PHF21B: variants seen among roughly 807,000 people sequenced by gnomAD.
PHF21B encodes the protein PHD finger protein 21B, also known as PHD finger protein 4.
A neutral mutation model predicts 62.2 loss-of-function variants in PHF21B; 22 were observed. That is an observed-to-expected ratio of 0.35 (90% CI 0.25 to 0.51). PHF21B has a LOEUF of 0.51. Among genes scored for constraint, PHF21B ranks in the 20% least tolerant of loss-of-function variants. The pLI is 0.97. For missense variants in PHF21B, 701 were observed against 707.9 expected (o/e 0.99, Z 0.11); for synonymous variants, 341 against 314.7 (o/e 1.08, Z -0.88).
chr22:44,883,343 C>A, intron 12 of PHF21B, 39 bp from the exon 13 acceptor site: 2 of 1,593,090 alleles, frequency 1.3e-6, no homozygotes, highest in East Asian at 4.5e-5. Context: ...TCTCAGTATT[C>A]GGCTCTACAG....
At chr22:44,912,607 A>G (rs148333074) in intron 5 of PHF21B, among the ~76,000 whole-genome samples, 1,692 of 152,316 alleles carry the variant, frequency 0.011, 40 homozygotes, top group African/African-American at 0.039. Flanking sequence ...TTCCCCAGCC[A>G]TGTGGAACTG....
intron 2 of PHF21B, among the ~76,000 whole-genome samples, chr22:44,924,384 T>C (rs2071593265): frequency 1.3e-5 from 2 of 152,098 alleles, no homozygotes; most frequent in South Asian, 2.1e-4. Flanking sequence ...AAGTTAAACT[T>C]ATGTATGGCA....
intron 2 of PHF21B, among the ~76,000 whole-genome samples, chr22:44,988,333 G>A (rs980100166): frequency 2.0e-5 from 3 of 152,110 alleles, no homozygotes; most frequent in Non-Finnish European, 4.4e-5. Flanking sequence ...GTGGTAGCAT[G>A]GGCCTGTTGT....
At chr22:44,902,362 C>A in intron 5 of PHF21B, 1 of 346,372 alleles carries the variant, frequency 2.9e-6, no homozygotes, top group Non-Finnish European at 5.8e-6. Flanking sequence ...TTCCTCAGCT[C>A]CAGGGCTACC....
intron 2 of PHF21B, among the ~76,000 whole-genome samples, chr22:44,987,255 A>G (rs1262587994): frequency 6.6e-6 from 1 of 152,086 alleles, no homozygotes; most frequent in African/African-American, 2.4e-5. Flanking sequence ...TAATGAAAAC[A>G]TTGGCATGGA....
intron 5 of PHF21B, chr22:44,902,124 CA>C (rs1277151391): frequency 4.7e-6 from 1 of 214,112 alleles, no homozygotes; most frequent in African/African-American, 2.4e-5. Context: ...CAGTTGAGGA[CA>C]CACCAGAAAT....
At chr22:45,000,938 G>A (rs1383206749) in intron 2 of PHF21B, 5 of 152,198 alleles carry the variant, frequency 3.3e-5, no homozygotes, top group South Asian at 2.1e-4. Context: ...ATCACCAGGT[G>A]AGTGGGTCTT....
rs768194606 is a variant in PHF21B at position 44,913,869 on chromosome 22, T to G, written c.784A>C (p.Thr262Pro). 6 of 1,613,926 alleles carry G rather than the reference T, an allele frequency of 3.7e-6. No individual in the cohort carries two copies. The Admixed American group carries it at 6.7e-5, about 18-fold the overall frequency. The change falls in exon 5 of 13, where the codon ACC becomes CCC. Residue 262 changes from threonine to proline, a missense_variant. By Grantham distance (38) the Thr-to-Pro change is conservative (BLOSUM62 -1). Coordinates refer to ENST00000313237, the MANE Select transcript of PHF21B (RefSeq NM_138415.5). Reference protein sequence around the residue: ...TEEPSQGAQATKKKKEDRPPT... With the variant: ...TEEPSQGAQAPKKKKEDRPPT... The stretch of plus-strand genomic sequence containing the variant: ...GGCCGGTCTTCCTTCTTCTTTTTGG[T>G]GGCCTGAGCTCCCTGAGATGGCTCC...
intron 2 of PHF21B, among the ~76,000 whole-genome samples, chr22:44,998,050 G>A (rs1190060402): frequency 6.6e-6 from 1 of 152,224 alleles, no homozygotes; most frequent in Non-Finnish European, 1.5e-5. Context: ...GATTCTCCAG[G>A]GACACAGAAG....
Position 45,009,468 on chromosome 22 carries a change from G to GCC in PHF21B, c.54+26_54+27dup. 6.6e-7 allele frequency: 1 copy of GCC among 1,524,982 alleles called. No individual in the cohort carries two copies. Among genetic ancestry groups the GCC allele is most frequent in the Non-Finnish European group, 8.8e-7 (1 of 1,142,336 alleles). The allele number at this position is 1,524,982 out of a possible 1,614,324, so 94.5% of individuals were successfully genotyped here. On this transcript the variant is annotated intron_variant, in intron 1 of 12. Transcript: ENST00000313237. This position sits in a 1 kb window ranked among gnomAD's most constrained non-coding sequence, Gnocchi z 5.9. ...CCCTCACCCCGCAACACACTCCCCG[G>GCC]CCCCGGGCCCGGCCCCCGGCCACCT...
intron 5 of PHF21B, among the ~76,000 whole-genome samples, chr22:44,898,411 T>C (rs772190767): frequency 6.6e-6 from 1 of 152,052 alleles, no homozygotes; most frequent in Non-Finnish European, 1.5e-5. Context: ...GGTCACTGGC[T>C]GAAGTGTGTC....
At chr22:44,902,361 T>C in intron 5 of PHF21B, 2 of 347,662 alleles carry the variant, frequency 5.8e-6, no homozygotes, top group South Asian at 3.0e-5. Flanking sequence ...ATTCCTCAGC[T>C]CCAGGGCTAC....
intron 2 of PHF21B, 23 bp downstream of exon 2, chr22:45,008,522 G>T (rs1346338384): frequency 1.3e-6 from 2 of 1,556,088 alleles, no homozygotes; most frequent in South Asian, 1.2e-5. Flanking sequence ...CATCCCAGGG[G>T]GGGCCGCGAT....
At chr22:44,951,816 G>A (rs1199442011) in intron 2 of PHF21B, among the ~76,000 whole-genome samples, 1 of 152,186 alleles carries the variant, frequency 6.6e-6, no homozygotes, top group African/African-American at 2.4e-5. Flanking sequence ...CCTAGATCAT[G>A]GGATAGGTGC....
At position 45,009,466 on chromosome 22, in the gene PHF21B, C is replaced by G; in HGVS notation, c.54+30G>C. ...CCCCCTCACCCCGCAACACACTCCC[C>G]GGCCCCGGGCCCGGCCCCCGGCCAC... On this transcript the variant is annotated intron_variant, in intron 1 of 12. Transcript: ENST00000313237. The surrounding 1 kb of genome is among the most constrained non-coding windows in gnomAD (Gnocchi z 5.9). The G allele has an allele frequency of 6.6e-7, 1 of 1,524,188 alleles. No individual in the cohort carries two copies. The highest frequency in any genetic ancestry group is 1.2e-5 in the South Asian group (1 of 82,880). The allele number at this position is 1,524,188 out of a possible 1,614,324, so 94.4% of individuals were successfully genotyped here.
intron 2 of PHF21B, among the ~76,000 whole-genome samples, chr22:44,945,613 C>A (rs1346746081): frequency 3.9e-5 from 6 of 152,064 alleles, no homozygotes; most frequent in Admixed American, 2.6e-4. Context: ...GCAATGAGTG[C>A]CTCCAGAAGG....
intron 2 of PHF21B, among the ~76,000 whole-genome samples, chr22:44,990,068 G>GT (rs537733202): frequency 7.5e-4 from 114 of 152,324 alleles, no homozygotes; most frequent in African/African-American, 2.6e-3. Flanking sequence ...CCATGCCCGT[G>GT]TCCCCTGGGC....
chr22:44,997,896 T>C (rs966458664), intron 2 of PHF21B, among the ~76,000 whole-genome samples: 39 of 152,186 alleles, frequency 2.6e-4, no homozygotes, highest in Admixed American at 2.2e-3. Flanking sequence ...GGCCCGCCCT[T>C]CCAAATTGCC....
At chr22:44,935,110 G>C (rs1190022033) in intron 2 of PHF21B, among the ~76,000 whole-genome samples, 1 of 152,202 alleles carries the variant, frequency 6.6e-6, no homozygotes, top group Non-Finnish European at 1.5e-5. Context: ...AATCGGTCCA[G>C]TGGTCACCCC....
Sources: allele counts gnomAD v4.1 joint callset (sites outside exome capture counted in the v4.1 genomes callset), GRCh38; gene constraint gnomAD v4.1.1; non-coding constraint Gnocchi (gnomAD v3.1); transcripts MANE v1.5; gene names NCBI Gene and HGNC (gene_info 2026-07-23, HGNC 2026-07-21).